Variants in CCDC136 observed in about 807,000 individuals in gnomAD.
The protein encoded by CCDC136 is coiled-coil domain containing 136.
In CCDC136, 100 loss-of-function variants were observed where a neutral mutation model predicts 141.2. The ratio of observed to expected loss-of-function variants is 0.71; its 90% confidence interval spans 0.60 to 0.84. The LOEUF is 0.84. Ranked by LOEUF, CCDC136 falls within the 40% of genes least tolerant of loss-of-function variation. The pLI is 0.00. For missense variants in CCDC136, 1,206 were observed against 1,379.4 expected, an observed-to-expected ratio of 0.87 and a Z score of 1.99; for synonymous variants, 474 against 531.9, an observed-to-expected ratio of 0.89 and a Z score of 1.50.
At chr7:128,798,814 C>T (rs984069280) in intron 3 of CCDC136, among the ~76,000 whole-genome samples, 2 of 152,080 alleles carry the variant, frequency 1.3e-5, no homozygotes, top group African/African-American at 2.4e-5. Context: ...CCTTGGCACG[C>T]AGTTAAGGAT....
chr7:128,799,774 C>T (rs1229103920), intron 3 of CCDC136, among the ~76,000 whole-genome samples: 11 of 152,082 alleles, frequency 7.2e-5, no homozygotes, highest in Non-Finnish European at 1.3e-4. Flanking sequence ...CCTGACCCTC[C>T]CAACCCAATC....
At chr7:128,811,688 G>A (rs1805739830) in intron 12 of CCDC136, 112 bp from the exon 13 acceptor site, 7 of 957,974 alleles carry the variant, frequency 7.3e-6, no homozygotes, top group South Asian at 3.5e-5. Context: ...AGGTGGAAAT[G>A]TAGGTGTGCC....
rs568448361 is a variant in CCDC136 at position 128,819,546 on chromosome 7, T to C, written c.*5+1682T>C. ...AAATTATAAAATACCCCATCATTAA[T>C]AAAAAGAGCACGCACTTACAAAATG... is the stretch of plus-strand genomic sequence containing the variant. On this transcript the variant is annotated intron_variant, in intron 17 of 17. Transcript: ENST00000297788. Among the ~76,000 whole-genome samples, 11 of 152,332 alleles carry C rather than the reference T, an allele frequency of 7.2e-5. No individual in the cohort carries two copies. In the South Asian group the frequency reaches 1.0e-3, roughly 14 times the overall value.
intron 14 of CCDC136, among the ~76,000 whole-genome samples, chr7:128,814,272 C>T (rs1361418677): frequency 4.0e-5 from 6 of 151,880 alleles, no homozygotes; most frequent in Non-Finnish European, 8.8e-5. Flanking sequence ...TTTTAGTAGA[C>T]ATGGGGTTTC....
At chr7:128,795,955 A>G (rs1216584965) in intron 3 of CCDC136, among the ~76,000 whole-genome samples, 1 of 152,154 alleles carries the variant, frequency 6.6e-6, no homozygotes, top group African/African-American at 2.4e-5. Context: ...AATATGATAC[A>G]GAGAGGAGGT....
chr7:128,808,977 G>A (rs1805287470), intron 10 of CCDC136: 1 of 985,088 alleles, frequency 1.0e-6, no homozygotes, highest in South Asian at 4.7e-5. Context: ...GATTTAAAGA[G>A]AGAATTAGGA....
At chr7:128,816,775 A>T (rs547587394) in intron 16 of CCDC136, among the ~76,000 whole-genome samples, 1 of 152,206 alleles carries the variant, frequency 6.6e-6, no homozygotes, top group Non-Finnish European at 1.5e-5. Flanking sequence ...GTAAGTCCTC[A>T]GCTTACATTA....
rs754648986 is a variant in CCDC136 at position 128,815,758 on chromosome 7, G to T, written c.3190G>T (p.Ala1064Ser). The T allele has an allele frequency of 4.5e-6, 7 of 1,568,410 alleles. No homozygotes were observed. The highest frequency in any genetic ancestry group is 6.0e-6 in the Non-Finnish European group (7 of 1,157,080). The change falls in exon 16 of 18, where the codon GCT becomes TCT. Residue 1064 changes from alanine to serine, a missense_variant. Transcript: ENST00000297788. ...AKEQCGDELV[A>S]EPADPEEAKS... ...GGAGCAGTGTGGGGATGAGCTAGTT[G>T]CTGAGCCAGCAGATCCTGAGGAAGC... is the stretch of plus-strand genomic sequence containing the variant.
intron 3 of CCDC136, among the ~76,000 whole-genome samples, chr7:128,796,934 G>A (rs986687423): frequency 4.7e-5 from 7 of 150,468 alleles, no homozygotes; most frequent in Non-Finnish European, 1.0e-4. Flanking sequence ...GTAGAGACGG[G>A]GTTTCACCGT....
At chr7:128,819,671 A>G (rs1036947192) in intron 17 of CCDC136, among the ~76,000 whole-genome samples, 19 of 152,042 alleles carry the variant, frequency 1.2e-4, no homozygotes, top group African/African-American at 3.4e-4. Flanking sequence ...TTTTTTTTAT[A>G]TATGATTAAA....
chr7:128,809,126 A>C, intron 10 of CCDC136: 1 of 331,504 alleles, frequency 3.0e-6, no homozygotes, highest in Non-Finnish European at 4.8e-6. Flanking sequence ...GTATAAAGGA[A>C]AGGGCCGGAG....
rs778610463 is a variant in CCDC136 at position 128,805,475 on chromosome 7, G to A, written c.899G>A (p.Arg300Gln). 19 of 1,613,718 alleles carry A rather than the reference G, an allele frequency of 1.2e-5. No homozygotes were observed. Among genetic ancestry groups the A allele is most frequent in the Admixed American group, 5.0e-5 (3 of 60,002 alleles). Residue 300 changes from arginine (R) to glutamine (Q), a missense_variant, in exon 6 of 18, where the codon CGG (arginine) becomes CAG (glutamine). Arg to Gln is a conservative substitution (Grantham distance 43). Coordinates refer to ENST00000297788, the MANE Select transcript of CCDC136 (RefSeq NM_022742.5). This position sits in a 1 kb window ranked among gnomAD's most constrained non-coding sequence, Gnocchi z 4.6. The part of the protein sequence containing the change: ...LEPDPEMQLL[R>Q]QQLRDAEEQM... ...CCTGATCCTGAAATGCAGTTGTTAC[G>A]GCAGCAGCTACGGGATGCTGAAGAG...
Position 128,812,214 on chromosome 7 carries a change from A to G in CCDC136, c.2443A>G (p.Lys815Glu). The G allele has an allele frequency of 1.2e-6, 2 of 1,613,964 alleles. No homozygotes were observed. The highest frequency in any genetic ancestry group is 1.7e-6 in the Non-Finnish European group (2 of 1,179,878). The change falls in exon 13 of 18, where the codon AAG becomes GAG. Residue 815 changes from lysine to glutamate, a missense_variant. Physicochemically the swap from Lys to Glu is moderately conservative, Grantham distance 56. Coordinates refer to ENST00000297788, the MANE Select transcript of CCDC136 (RefSeq NM_022742.5). ...TACCAGCAACAGCAGCATTACCTAT[A>G]AGAAGAGTTACGGCAGCACCAGTAG... Reference protein sequence around the residue: ...CTTSNSSITYKKSYGSTSSSD... With the variant: ...CTTSNSSITYEKSYGSTSSSD...
At chr7:128,820,128 A>G (rs1312978338) in intron 17 of CCDC136, among the ~76,000 whole-genome samples, 1 of 152,190 alleles carries the variant, frequency 6.6e-6, no homozygotes, top group Non-Finnish European at 1.5e-5. Context: ...CATCATCTAC[A>G]GGGGTGGCAA....
rs1219073215 is a variant in CCDC136 at position 128,805,835 on chromosome 7, G to A, written c.1023G>A (p.Leu341=). ...TCAGTGAGGAGGAGCAGAGGCGGCT[G>A]CAGAGGGAGCTCAAGTGTGCTCAGA... ...RQVSEEEQRR[L]QRELKCAQNE... is the part of the protein sequence containing the mutation. The change falls in exon 7 of 18, where the codon CTG becomes CTA. Residue 341 remains leucine, a synonymous_variant. Coordinates refer to ENST00000297788, the MANE Select transcript of CCDC136 (RefSeq NM_022742.5). This position sits in a 1 kb window ranked among gnomAD's most constrained non-coding sequence, Gnocchi z 4.6. 1.2e-6 allele frequency: 2 copies of A among 1,613,984 alleles called. No homozygotes were observed. The highest frequency in any genetic ancestry group is 2.2e-5 in the East Asian group (1 of 44,888).
In CCDC136 at chr7:128,791,998, C is replaced by T; in HGVS notation, c.-414C>T. ...TCTGTAGGCCACCTCAGCCTTTCAG[C>T]CTCTTCTTCACTGGCTCCCGCCCTC... On this transcript the variant is annotated 5_prime_UTR_variant, in exon 1 of 18. Coordinates refer to ENST00000297788, the MANE Select transcript of CCDC136 (RefSeq NM_022742.5). The surrounding 1 kb of genome is among the most constrained non-coding windows in gnomAD (Gnocchi z 7.1). 8.4e-7 allele frequency: 1 copy of T among 1,185,692 alleles called. No individual in the cohort carries two copies. The highest frequency in any genetic ancestry group is 1.6e-5 in the African/African-American group (1 of 62,488). 73.4% of individuals were successfully genotyped at this position (1,185,692 alleles called of 1,614,324 possible).
chr7:128,812,799 A>G lies in CCDC136; in HGVS notation c.2633A>G (p.Gln878Arg), dbSNP rs775765444. The G allele has an allele frequency of 6.2e-7, 1 of 1,613,350 alleles. No homozygotes were observed. Among genetic ancestry groups the G allele is most frequent in the East Asian group, 2.2e-5 (1 of 44,838 alleles). Reference protein sequence around the residue: ...QISQEEHSQLQEQMEKLLAKQ... With the variant: ...QISQEEHSQLREQMEKLLAKQ... ...AGCCAGGAGGAACACAGCCAGCTGC[A>G]AGAGCAGATGGAAAAGTTACTGGCC... Residue 878 changes from glutamine (Q) to arginine (R), a missense_variant, in exon 14 of 18, where the codon CAA (glutamine) becomes CGA (arginine). Gln to Arg is a conservative substitution (Grantham distance 43). Transcript: ENST00000297788.
At chr7:128,812,676 G>A in intron 13 of CCDC136, 32 bp from the exon 14 acceptor site, 1 of 1,548,848 alleles carries the variant, frequency 6.5e-7, no homozygotes, top group African/African-American at 1.4e-5. Context: ...GTGCTCCTCA[G>A]GGTGCTATTG....
chr7:128,800,804 T>C (rs1223980963), intron 3 of CCDC136, among the ~76,000 whole-genome samples: 2 of 152,356 alleles, frequency 1.3e-5, no homozygotes, highest in Admixed American at 6.5e-5. Context: ...ATAGTCTGTA[T>C]ACATTTTTTG....
Sources: allele counts gnomAD v4.1 joint callset (sites outside exome capture counted in the v4.1 genomes callset), GRCh38; gene constraint gnomAD v4.1.1; non-coding constraint Gnocchi (gnomAD v3.1); transcripts MANE v1.5; gene names NCBI Gene and HGNC (gene_info 2026-07-23, HGNC 2026-07-21).